Variants in PCDH15 observed in about 807,000 individuals in gnomAD.
PCDH15 encodes protocadherin-15.
PCDH15 carries 129 observed loss-of-function variants against 178.5 expected under a neutral mutation model. That is an observed-to-expected ratio of 0.72 (90% confidence interval 0.63 to 0.84). The LOEUF is 0.84. PCDH15 is among the 40% of genes least tolerant of loss of function. The pLI, the probability that PCDH15 is intolerant of heterozygous loss-of-function variation, is 0.00. For missense variants in PCDH15, 2,230 were observed against 2,099.9 expected (o/e 1.06, Z -1.21); for synonymous variants, 800 against 732.0 (o/e 1.09, Z -1.50).
chr10:54,421,309 T>C (rs1955264412), intron 3 of PCDH15, among the ~76,000 whole-genome samples: 1 of 151,712 alleles, frequency 6.6e-6, no homozygotes, highest in Non-Finnish European at 1.5e-5. Flanking sequence ...TCTCTGACTC[T>C]GTAGTTTTTT....
At position 54,997,803 on chromosome 10, in the gene PCDH15, A is replaced by G. The variant is rs114722696; in HGVS notation, c.-79-100303T>C. Among the ~76,000 whole-genome samples the G allele has an allele frequency of 6.1e-3, 934 of 152,312 alleles. 11 individuals are homozygous for G. Among genetic ancestry groups the G allele is most frequent in the African/African-American group, 0.022 (908 of 41,574 alleles). On this transcript the variant is annotated intron_variant, in intron 2 of 5. Coordinates refer to the PCDH15 transcript ENST00000458638. ...TAATCTAGATAAACTGCTAAAAAAA[A>G]TGAAAGATTCCAGTACATGTGAATG... is the stretch of plus-strand genomic sequence containing the variant.
intron 1 of PCDH15, among the ~76,000 whole-genome samples, chr10:55,216,676 T>C (rs901743487): frequency 6.6e-6 from 1 of 151,966 alleles, no homozygotes; most frequent in East Asian, 1.9e-4. Flanking sequence ...ATAAAATTTA[T>C]ATATGTATTA....
intron 1 of PCDH15, among the ~76,000 whole-genome samples, chr10:55,175,420 A>G (rs1374168467): frequency 2.0e-5 from 3 of 152,058 alleles, no homozygotes; most frequent in Non-Finnish European, 4.4e-5. Flanking sequence ...ATGGGACCAG[A>G]TAGTACTTTA....
At chr10:54,731,872 T>C (rs572382111) in intron 1 of PCDH15, among the ~76,000 whole-genome samples, 1 of 150,930 alleles carries the variant, frequency 6.6e-6, no homozygotes, top group African/African-American at 2.4e-5. Context: ...AGAAATAATA[T>C]CTAGTGTTTG....
At chr10:53,850,313 G>A (rs914913019) in intron 28 of PCDH15, among the ~76,000 whole-genome samples, 3 of 152,026 alleles carry the variant, frequency 2.0e-5, no homozygotes, top group African/African-American at 7.2e-5. Flanking sequence ...ATGTGCACAA[G>A]GATTATTATA....
At chr10:53,962,093 C>A (rs531287849) in intron 21 of PCDH15, among the ~76,000 whole-genome samples, 87 of 152,156 alleles carry the variant, frequency 5.7e-4, no homozygotes, top group African/African-American at 2.0e-3. Context: ...AGTATCTCTA[C>A]TACAGGTTAT....
intron 15 of PCDH15, among the ~76,000 whole-genome samples, chr10:54,121,075 G>C (rs75687187): frequency 2.9e-5 from 2 of 69,128 alleles, no homozygotes; most frequent in East Asian, 5.6e-4. Context: ...AAAAAAAAAA[G>C]AAATCACAGC....
chr10:54,146,339 A>T (rs2043898866), intron 14 of PCDH15, among the ~76,000 whole-genome samples: 1 of 151,962 alleles, frequency 6.6e-6, no homozygotes, highest in South Asian at 2.1e-4. Context: ...AACGTATGTT[A>T]GCCCATGCAT....
At chr10:54,186,872 A>G (rs548129716) in intron 11 of PCDH15, among the ~76,000 whole-genome samples, 38 of 152,150 alleles carry the variant, frequency 2.5e-4, no homozygotes, top group African/African-American at 9.1e-4. Context: ...TAGAAAATGC[A>G]TATGTCTATT....
At chr10:55,454,816 C>A (rs576120228) in intron 2 of PCDH15, among the ~76,000 whole-genome samples, 2 of 150,008 alleles carry the variant, frequency 1.3e-5, no homozygotes, top group Non-Finnish European at 3.0e-5. Context: ...GCTAGATAAT[C>A]TTTTATATTC....
At chr10:54,519,217 T>C (rs180948756) in intron 3 of PCDH15, among the ~76,000 whole-genome samples, 6 of 152,258 alleles carry the variant, frequency 3.9e-5, no homozygotes, top group African/African-American at 1.4e-4. Flanking sequence ...GCCAGGGCAA[T>C]GAGGCAGGAG....
intron 2 of PCDH15, among the ~76,000 whole-genome samples, chr10:54,965,077 T>C (rs1359689566): frequency 6.6e-6 from 1 of 152,216 alleles, no homozygotes; most frequent in Non-Finnish European, 1.5e-5. Flanking sequence ...ATTAAGTATG[T>C]ACATATTAAT....
At chr10:54,767,599 A>T (rs935950185) in intron 1 of PCDH15, among the ~76,000 whole-genome samples, 2 of 152,158 alleles carry the variant, frequency 1.3e-5, no homozygotes, top group African/African-American at 4.8e-5. Context: ...TATTTCATCC[A>T]GGAGATCAAG....
intron 2 of PCDH15, among the ~76,000 whole-genome samples, chr10:54,583,501 T>C (rs577928977): frequency 9.2e-5 from 14 of 151,986 alleles, no homozygotes; most frequent in Non-Finnish European, 1.9e-4. Context: ...GAGAGAGATA[T>C]GCTAGTAAGG....
At chr10:54,378,379 T>C (rs752611625) in intron 4 of PCDH15, among the ~76,000 whole-genome samples, 2 of 152,136 alleles carry the variant, frequency 1.3e-5, no homozygotes, top group African/African-American at 2.4e-5. Context: ...TGCTTACTAG[T>C]TGTAAAAGCA....
intron 8 of PCDH15, among the ~76,000 whole-genome samples, chr10:54,294,201 A>G (rs1334770261): frequency 6.6e-6 from 1 of 152,096 alleles, no homozygotes; most frequent in East Asian, 1.9e-4. Context: ...CATTATTCTC[A>G]GCAAATTATC....
intron 10 of PCDH15, among the ~76,000 whole-genome samples, chr10:54,204,009 G>T (rs1176568917): frequency 6.6e-6 from 1 of 152,106 alleles, no homozygotes; most frequent in African/African-American, 2.4e-5. Context: ...AATCACTTTA[G>T]ACAGTTAAAA....
intron 8 of PCDH15, among the ~76,000 whole-genome samples, chr10:54,315,578 G>A (rs2061197380): frequency 6.6e-6 from 1 of 152,060 alleles, no homozygotes; most frequent in South Asian, 2.1e-4. Flanking sequence ...AATTGCTGTT[G>A]GTTCTTTGTT....
intron 2 of PCDH15, among the ~76,000 whole-genome samples, chr10:54,932,498 G>A (rs577981384): frequency 1.3e-5 from 2 of 152,158 alleles, no homozygotes; most frequent in African/African-American, 4.8e-5. Flanking sequence ...ATATGCTAAG[G>A]TTAATTTATT....
Sources: allele counts gnomAD v4.1 joint callset (sites outside exome capture counted in the v4.1 genomes callset), GRCh38; gene constraint gnomAD v4.1.1; transcripts MANE v1.5; gene names NCBI Gene and HGNC (gene_info 2026-07-23, HGNC 2026-07-21).